NSA2: variants seen among roughly 807,000 people sequenced by gnomAD.
NSA2 encodes ribosome biogenesis protein NSA2 homolog.
Under a neutral mutation model 34.8 loss-of-function variants are expected in NSA2, and 18 were observed. The observed-to-expected ratio is 0.52, with a 90% CI of 0.36 to 0.77. The LOEUF (loss-of-function observed/expected upper bound fraction) is 0.77. Among genes scored for constraint, NSA2 ranks in the 30% least tolerant of loss-of-function variants. The probability of loss-of-function intolerance (pLI) is 0.00; values close to 1 mark genes in which losing one functional copy is unlikely to be tolerated. For missense variants in NSA2, 188 were observed against 314.7 expected (o/e 0.60, Z 3.05); for synonymous variants, 79 against 100.2 (o/e 0.79, Z 1.26).
chr5:74,769,781 G>A (rs1744857632), intron 3 of NSA2, among the ~76,000 whole-genome samples: 1 of 152,138 alleles, frequency 6.6e-6, no homozygotes, highest in Admixed American at 6.5e-5. Context: ...TAAAACACCT[G>A]TAAATAGATT....
Position 74,778,757 on chromosome 5 carries a change from T to TA in NSA2, c.*2087dup, listed in dbSNP as rs1442397321. 1 of 152,018 alleles carries TA rather than the reference T, an allele frequency of 6.6e-6. No individual in the cohort carries two copies. The highest frequency in any genetic ancestry group is 1.5e-5 in the Non-Finnish European group (1 of 67,890). 9.4% of individuals were successfully genotyped at this position (152,018 alleles called of 1,614,324 possible). On this transcript the variant is annotated 3_prime_UTR_variant, in exon 6 of 6. Transcript: ENST00000610426. ...ATCTGCTTTATATTACACAAGGAAA[T>TA]ATACACGTATGTACATAAAAAGTGA...
rs1220463367 is a variant in NSA2, at chr5:74,779,453, AAAAAT to A, written c.*2789_*2793del. On this transcript the variant is annotated 3_prime_UTR_variant, in exon 6 of 6. Coordinates refer to ENST00000610426, the MANE Select transcript of NSA2 (RefSeq NM_014886.6). ...GAAAGTATTTTAAACAAATCCAAGT[AAAAAT>A]AAAATATCTACAAGTGTTTTCAAAT... 3 of 152,186 alleles carry A rather than the reference AAAAAT, an allele frequency of 2.0e-5. No individual in the cohort carries two copies. The highest frequency in any genetic ancestry group is 6.5e-5 in the Admixed American group (1 of 15,282). The allele number at this position is 152,186 out of a possible 1,614,324, so 9.4% of individuals were successfully genotyped here.
rs1184549282 is a variant in NSA2, at chr5:74,767,280, G to A, written c.-81G>A. 32 of 1,574,042 alleles carry A rather than the reference G, an allele frequency of 2.0e-5. No homozygotes were observed. Among genetic ancestry groups the A allele is most frequent in the Non-Finnish European group, 2.1e-5 (24 of 1,145,232 alleles). ...TCCTGTCCCGGCCTGCGTGGTGTGG[G>A]CTTGTGGGTCTTTGAGACCCGAAAA... On this transcript the variant is annotated 5_prime_UTR_variant, in exon 1 of 6. Transcript: ENST00000610426.
Position 74,773,334 on chromosome 5 carries a change from G to GAA in NSA2, c.523-522_523-521dup, listed in dbSNP as rs925489309. Reference sequence around the variant, plus strand: ...TGTTGCTAGGTAGCTATTACAGGGTGAAAAAAAAAAAAACTTTTCAGAGGC... The same window carrying GAA: ...TGTTGCTAGGTAGCTATTACAGGGTGAAAAAAAAAAAAAAACTTTTCAGAGGC... On this transcript the variant is annotated intron_variant, in intron 4 of 5. Transcript: ENST00000610426. Among the ~76,000 whole-genome samples the GAA allele has an allele frequency of 2.2e-3, 313 of 140,438 alleles. 1 individual carries two copies. Among genetic ancestry groups the GAA allele is most frequent in the African/African-American group, 7.8e-3 (301 of 38,644 alleles). 92.1% of individuals were successfully genotyped at this position (140,438 alleles called of 152,430 possible). A position where few individuals can be genotyped will look rare whatever the true frequency, so the allele number is the denominator to read the frequency against.
chr5:74,771,853 CAAAAAAAAAAAAAAAAGA>C (rs1401807920), intron 4 of NSA2, among the ~76,000 whole-genome samples: 1 of 76,536 alleles, frequency 1.3e-5, no homozygotes, highest in African/African-American at 3.9e-5. Context: ...GATTCTGTCT[CAAAAAAAAAAAAAAAAGA>C]AAAAAAGAAA....
At chr5:74,771,121 A>T (rs1744910555) in intron 4 of NSA2, among the ~76,000 whole-genome samples, 1 of 152,092 alleles carries the variant, frequency 6.6e-6, no homozygotes, top group South Asian at 2.1e-4. Flanking sequence ...GTACTAAAAA[A>T]TACAAAAAAT....
At chr5:74,776,508 C>T in intron 5 of NSA2, 96 bp from the exon 6 acceptor site, 2 of 693,418 alleles carry the variant, frequency 2.9e-6, no homozygotes, top group Non-Finnish European at 2.5e-6. Context: ...TGTATTAAGA[C>T]AAAAAGAAAA....
chr5:74,775,824 C>T lies in NSA2; in HGVS notation c.716-780C>T, dbSNP rs532885766. Among the ~76,000 whole-genome samples, 13 of 152,002 alleles carry T rather than the reference C, an allele frequency of 8.6e-5. No homozygotes were observed. The South Asian group carries it at 2.7e-3, about 32-fold the overall frequency. On this transcript the variant is annotated intron_variant, in intron 5 of 5. Transcript: ENST00000610426. Reference sequence around the variant, plus strand: ...CAGTAATTTTAAACGCCCTCATTTGCTTAGTTTTCTACCTTTAGTACCCAG... The same window carrying T: ...CAGTAATTTTAAACGCCCTCATTTGTTTAGTTTTCTACCTTTAGTACCCAG...
intron 5 of NSA2, among the ~76,000 whole-genome samples, chr5:74,776,071 C>T (rs1006683765): frequency 2.0e-5 from 3 of 152,156 alleles, no homozygotes; most frequent in African/African-American, 7.2e-5. Flanking sequence ...ATGGAGCTGG[C>T]CATTATTTGC....
rs868565638 is a variant in NSA2, at chr5:74,767,252, C to G, written c.-109C>G. On this transcript the variant is annotated 5_prime_UTR_variant, in exon 1 of 6. Coordinates refer to ENST00000610426, the MANE Select transcript of NSA2 (RefSeq NM_014886.6). ...CACTCGGCCGTTTTAAAGGGTGACT[C>G]TTTCCTGTCCCGGCCTGCGTGGTGT... The G allele has an allele frequency of 2.9e-6, 4 of 1,389,644 alleles. No homozygotes were observed. Among genetic ancestry groups the G allele is most frequent in the Non-Finnish European group, 4.1e-6 (4 of 986,632 alleles). The allele number at this position is 1,389,644 out of a possible 1,614,324, so 86.1% of individuals were successfully genotyped here. A position where few individuals can be genotyped will look rare whatever the true frequency, so the allele number is the denominator to read the frequency against.
intron 5 of NSA2, 101 bp from the exon 6 acceptor site, chr5:74,776,503 T>TA (rs1422385898): frequency 4.4e-6 from 3 of 679,274 alleles, no homozygotes; most frequent in African/African-American, 4.3e-5. Context: ...AACCCTGTAT[T>TA]AAGACAAAAA....
chr5:74,768,394 A>G (rs1031211741), intron 1 of NSA2, among the ~76,000 whole-genome samples: 1 of 152,234 alleles, frequency 6.6e-6, no homozygotes, highest in African/African-American at 2.4e-5. Flanking sequence ...ATTCTGGGAA[A>G]GGCAAAACTG....
At chr5:74,770,005 T>C (rs1744864414) in intron 3 of NSA2, among the ~76,000 whole-genome samples, 1 of 152,162 alleles carries the variant, frequency 6.6e-6, no homozygotes, top group Non-Finnish European at 1.5e-5. Flanking sequence ...TATTATGCTA[T>C]TAAACATTAG....
chr5:74,771,682 C>CT (rs1744934481), intron 4 of NSA2: 1 of 149,856 alleles, frequency 6.7e-6, no homozygotes, highest in Admixed American at 6.6e-5. Context: ...CCCATCTCTA[C>CT]TAAAAAAAAA....
Position 74,778,671 on chromosome 5 carries a change from A to G in NSA2, c.*2000A>G, listed in dbSNP as rs1561281068. On this transcript the variant is annotated 3_prime_UTR_variant, in exon 6 of 6. Transcript: ENST00000610426. ...TTATAATAAATTCTTAAATATACTA[A>G]TTTCTGTGATGTCTAGCAATTGAAT... 2 of 152,046 alleles carry G rather than the reference A, an allele frequency of 1.3e-5. No individual in the cohort carries two copies. Among genetic ancestry groups the G allele is most frequent in the African/African-American group, 4.8e-5 (2 of 41,428 alleles). The allele number at this position is 152,046 out of a possible 1,614,324, so 9.4% of individuals were successfully genotyped here.
intron 4 of NSA2, among the ~76,000 whole-genome samples, chr5:74,771,011 C>G (rs1182717643): frequency 1.3e-5 from 2 of 152,194 alleles, no homozygotes; most frequent in Non-Finnish European, 2.9e-5. Flanking sequence ...AGTGCGGTGG[C>G]TCACACCTGT....
chr5:74,773,586 G>A (rs1745016916), intron 4 of NSA2, among the ~76,000 whole-genome samples: 1 of 152,112 alleles, frequency 6.6e-6, no homozygotes, highest in African/African-American at 2.4e-5. Flanking sequence ...GCTGCAGTGA[G>A]CCAAGATCAC....
rs1745150623 is a variant in NSA2 at position 74,776,924 on chromosome 5, G to C, written c.*253G>C. On this transcript the variant is annotated 3_prime_UTR_variant, in exon 6 of 6. Transcript: ENST00000610426. ...TCCTACTTCATCAATATCTGCATTT[G>C]TGAGTGGGTATTCAGCAATTTCCTG... The C allele has an allele frequency of 3.6e-6, 1 of 281,070 alleles. No individual in the cohort carries two copies. The highest frequency in any genetic ancestry group is 5.2e-5 in the Admixed American group (1 of 19,410). 17.4% of individuals were successfully genotyped at this position (281,070 alleles called of 1,614,324 possible). A position where few individuals can be genotyped will look rare whatever the true frequency, so the allele number is the denominator to read the frequency against.
chr5:74,774,506 A>C (rs1273834689), intron 5 of NSA2, among the ~76,000 whole-genome samples: 1 of 152,194 alleles, frequency 6.6e-6, no homozygotes, highest in Admixed American at 6.5e-5. Context: ...TGGGAGGCTG[A>C]GGCAGGAGAA....
Sources: allele counts gnomAD v4.1 joint callset (sites outside exome capture counted in the v4.1 genomes callset), GRCh38; gene constraint gnomAD v4.1.1; transcripts MANE v1.5; gene names NCBI Gene and HGNC (gene_info 2026-07-23, HGNC 2026-07-21).